RAB11FIP1: variants seen among roughly 807,000 people sequenced by gnomAD.
The protein encoded by RAB11FIP1 is RAB11 family interacting protein 1, also known as rab11 family-interacting protein 1.
Under a neutral mutation model 83.1 loss-of-function variants are expected in RAB11FIP1, and 49 were observed. That is an observed-to-expected ratio of 0.59 (90% CI 0.47 to 0.75). The LOEUF is 0.75. Ranked by LOEUF, RAB11FIP1 falls within the 30% of genes least tolerant of loss-of-function variation. The pLI, the probability that RAB11FIP1 is intolerant of heterozygous loss-of-function variation, is 0.00. For missense variants in RAB11FIP1, 1,536 were observed against 1,598.7 expected, an observed-to-expected ratio of 0.96 and a Z score of 0.67; for synonymous variants, 670 against 656.0, an observed-to-expected ratio of 1.02 and a Z score of -0.33.
rs777751490 is a variant in RAB11FIP1, at chr8:37,877,470, G to A, written c.453C>T (p.Asn151=). The A allele has an allele frequency of 1.9e-6, 3 of 1,613,452 alleles. No individual in the cohort carries two copies. Among genetic ancestry groups the A allele is most frequent in the Non-Finnish European group, 8.5e-7 (1 of 1,179,624 alleles). The change falls in exon 2 of 6, where the codon AAC becomes AAT. Residue 151 remains asparagine, a synonymous_variant. Transcript: ENST00000330843. ...GGTCAAACATGCTGGCAGTCATGTT[G>A]TTTCTCATAAACTGGATGTCAACCT... ...EIEVDIQFMR[N]NMTASMFDLS...
intron 1 of RAB11FIP1, among the ~76,000 whole-genome samples, chr8:37,882,274 C>T (rs1003137460): frequency 7.2e-5 from 11 of 152,266 alleles, no homozygotes; most frequent in African/African-American, 2.2e-4. Flanking sequence ...GGACTTGCTG[C>T]GCTGCATTCC....
intron 1 of RAB11FIP1, among the ~76,000 whole-genome samples, chr8:37,890,254 T>C (rs1015325345): frequency 6.6e-6 from 1 of 152,204 alleles, no homozygotes; most frequent in African/African-American, 2.4e-5. Context: ...TCTTTTATAA[T>C]AACCAGAGGC....
chr8:37,864,184 G>A (rs1806298609), intron 5 of RAB11FIP1, among the ~76,000 whole-genome samples: 1 of 152,248 alleles, frequency 6.6e-6, no homozygotes, highest in South Asian at 2.1e-4. Context: ...CTGTCCCAGA[G>A]CTGAGTGTTC....
chr8:37,872,927 A>G lies in RAB11FIP1; in HGVS notation c.1875T>C (p.Ser625=), dbSNP rs1806511707. Residue 625 remains serine, a synonymous_variant, in exon 4 of 6, where the codon TCT becomes TCC. Coordinates refer to ENST00000330843, the MANE Select transcript of RAB11FIP1 (RefSeq NM_001002814.3). ...CCTTAGGGAGCAAGGGTGGTCCTTC[A>G]GACTTGGCCTGGCCCCTGTCTACGA... The part of the protein sequence containing the change: ...WPLVDRGQAK[S]EGPPLLPKAE... 1 of 1,614,246 alleles carries G rather than the reference A, an allele frequency of 6.2e-7. No individual in the cohort carries two copies. Among genetic ancestry groups the G allele is most frequent in the African/African-American group, 1.3e-5 (1 of 75,062 alleles).
intron 1 of RAB11FIP1, among the ~76,000 whole-genome samples, chr8:37,894,926 T>A (rs1427818585): frequency 6.7e-6 from 1 of 149,486 alleles, no homozygotes; most frequent in African/African-American, 2.5e-5. Context: ...TCCAGCTAAT[T>A]TTTTGTGTTT....
At position 37,872,682 on chromosome 8, in the gene RAB11FIP1, G is replaced by A. The variant is rs142630214; in HGVS notation, c.2120C>T (p.Pro707Leu). The A allele has an allele frequency of 1.0e-4, 166 of 1,614,184 alleles. No homozygotes were observed. The African/African-American group carries it at 1.7e-3, about 17-fold the overall frequency. The change falls in exon 4 of 6, where the codon CCG becomes CTG. Residue 707 changes from proline to leucine, a missense_variant. Pro to Leu is a moderately conservative substitution (Grantham distance 98). Coordinates refer to ENST00000330843, the MANE Select transcript of RAB11FIP1 (RefSeq NM_001002814.3). ...GTCTTGTTTTTTGCAGGGGAATCTCGGAAGTTCTTCCTCTTGTCGCCCTGT... is the reference window on the plus strand; with the variant it reads ...GTCTTGTTTTTTGCAGGGGAATCTCAGAAGTTCTTCCTCTTGTCGCCCTGT... The part of the protein sequence containing the change: ...PETGRQEEEL[P>L]RFPCKKQDYS...
chr8:37,897,766 C>T (rs1484600461), intron 1 of RAB11FIP1, among the ~76,000 whole-genome samples: 1 of 152,090 alleles, frequency 6.6e-6, no homozygotes, highest in East Asian at 1.9e-4. Context: ...GAAATCTTTA[C>T]TAACATGGGG....
intron 1 of RAB11FIP1, among the ~76,000 whole-genome samples, chr8:37,878,340 C>T (rs1479342956): frequency 6.6e-6 from 1 of 151,274 alleles, no homozygotes; most frequent in Admixed American, 6.6e-5. Context: ...CGAGACCAGC[C>T]TGGCCAATAT....
Position 37,861,428 on chromosome 8 carries a change from T to C in RAB11FIP1, c.*1467A>G. On this transcript the variant is annotated 3_prime_UTR_variant, in exon 6 of 6. Coordinates refer to ENST00000330843, the MANE Select transcript of RAB11FIP1 (RefSeq NM_001002814.3). ...ATTTCCCCAGTATCCCACAAATAAT[T>C]TGGGTTTCCTTTTGGGCAGGGAGAG... The C allele has an allele frequency of 5.6e-6, 2 of 356,280 alleles. No homozygotes were observed. The highest frequency in any genetic ancestry group is 4.1e-5 in the South Asian group (2 of 48,478). 22.1% of individuals were successfully genotyped at this position (356,280 alleles called of 1,614,324 possible).
chr8:37,877,237 G>A lies in RAB11FIP1; in HGVS notation c.686C>T (p.Thr229Met), dbSNP rs61746628. 17,010 of 1,614,066 alleles carry A rather than the reference G, an allele frequency of 0.011. 116 individuals carry two copies. Among genetic ancestry groups the A allele is most frequent in the Middle Eastern group, 0.014 (84 of 6,062 alleles). Residue 229 changes from threonine (T) to methionine (M), a missense_variant, in exon 2 of 6, where the codon ACG (threonine) becomes ATG (methionine). Transcript: ENST00000330843. ...GACAGACATGGACTGGGAAAGAGGC[G>A]TCTTCTGCAAATTTGACTTGGAAAG... is the stretch of plus-strand genomic sequence containing the variant. ...TLLSKSNLQKTPLSQSMSVLP... is the reference protein window; with the variant it reads ...TLLSKSNLQKMPLSQSMSVLP...
intron 1 of RAB11FIP1, among the ~76,000 whole-genome samples, chr8:37,888,129 C>T (rs572563094): frequency 5.9e-5 from 9 of 152,244 alleles, no homozygotes; most frequent in African/African-American, 1.7e-4. Context: ...TTTTTTGAGA[C>T]GGAGTCTCAT....
chr8:37,867,937 C>T (rs558627518), intron 5 of RAB11FIP1, among the ~76,000 whole-genome samples: 2 of 152,250 alleles, frequency 1.3e-5, no homozygotes, highest in South Asian at 4.1e-4. Flanking sequence ...GAGGGAATAA[C>T]AAGTACCCAG....
rs1196036952 is a variant in RAB11FIP1 at position 37,861,121 on chromosome 8, G to A, written c.*1774C>T. 1 of 153,328 alleles carries A rather than the reference G, an allele frequency of 6.5e-6. No homozygotes were observed. Among genetic ancestry groups the A allele is most frequent in the Non-Finnish European group, 1.4e-5 (1 of 69,142 alleles). 9.5% of individuals were successfully genotyped at this position (153,328 alleles called of 1,614,324 possible). A position where few individuals can be genotyped will look rare whatever the true frequency, so the allele number is the denominator to read the frequency against. ...ACATTCTAATTCCAGTCTTAAGTGAGTAACAACAAAATTACCTGAAAAATC... is the reference window on the plus strand; with the variant it reads ...ACATTCTAATTCCAGTCTTAAGTGAATAACAACAAAATTACCTGAAAAATC... On this transcript the variant is annotated 3_prime_UTR_variant, in exon 6 of 6. Coordinates refer to ENST00000330843, the MANE Select transcript of RAB11FIP1 (RefSeq NM_001002814.3).
intron 1 of RAB11FIP1, among the ~76,000 whole-genome samples, chr8:37,898,651 C>CA (rs746280491): frequency 0.028 from 2,588 of 91,396 alleles, 73 homozygotes; most frequent in African/African-American, 0.07. Flanking sequence ...GACTCAGTCT[C>CA]AAAAAAAAAA....
Position 37,862,774 on chromosome 8 carries a change from C to G in RAB11FIP1, c.*121G>C. 1.4e-6 allele frequency: 1 copy of G among 713,692 alleles called. No homozygotes were observed. The highest frequency in any genetic ancestry group is 2.5e-5 in the East Asian group (1 of 40,074). The allele number at this position is 713,692 out of a possible 1,614,324, so 44.2% of individuals were successfully genotyped here. On this transcript the variant is annotated 3_prime_UTR_variant, in exon 6 of 6. Transcript: ENST00000330843. The stretch of plus-strand genomic sequence containing the variant: ...GGTAGAATTCACTCTTGCCGGATAA[C>G]ATGTGAGGGAGATGGTGATTCGGAG...
intron 1 of RAB11FIP1, among the ~76,000 whole-genome samples, chr8:37,895,215 GCCAA>G (rs1262030758): frequency 4.1e-5 from 2 of 49,106 alleles, no homozygotes; most frequent in African/African-American, 7.9e-5. Context: ...ACAGGTGCCT[GCCAA>G]TATATATATA....
rs1440704679 is a variant in RAB11FIP1 at position 37,877,220 on chromosome 8, T to C, written c.703A>G (p.Met235Val). ...GGCTTTGAAGTCGGCAGGACAGACA[T>C]GGACTGGGAAAGAGGCGTCTTCTGC... ...NLQKTPLSQS[M>V]SVLPTSKPEK... is the part of the protein sequence containing the mutation. The change falls in exon 2 of 6, where the codon ATG becomes GTG. Residue 235 changes from methionine to valine, a missense_variant. Transcript: ENST00000330843. The C allele has an allele frequency of 3.1e-6, 5 of 1,614,110 alleles. No homozygotes were observed. Among genetic ancestry groups the C allele is most frequent in the South Asian group, 1.1e-5 (1 of 91,078 alleles).
At chr8:37,866,056 C>T (rs1381866473) in intron 5 of RAB11FIP1, among the ~76,000 whole-genome samples, 1 of 152,072 alleles carries the variant, frequency 6.6e-6, no homozygotes, top group African/African-American at 2.4e-5. Flanking sequence ...TAAAACAGGG[C>T]CAGGCATGGT....
In RAB11FIP1 at chr8:37,899,287, T is replaced by A. The variant is rs1373763028; in HGVS notation, c.155A>T (p.Tyr52Phe). 4 of 1,609,384 alleles carry A rather than the reference T, an allele frequency of 2.5e-6. No individual in the cohort carries two copies. The highest frequency in any genetic ancestry group is 3.4e-6 in the Non-Finnish European group (4 of 1,178,914). ...GCTGCGCTCCGACACGGAGGTGGCGTACTTCTCCTTGCCCACCTGGATCAC... is the reference window on the plus strand; with the variant it reads ...GCTGCGCTCCGACACGGAGGTGGCGAACTTCTCCTTGCCCACCTGGATCAC... ...YAVIQVGKEK[Y>F]ATSVSERSLG... Residue 52 changes from tyrosine (Y) to phenylalanine (F), a missense_variant, in exon 1 of 6, where the codon TAC becomes TTC. Coordinates refer to ENST00000330843, the MANE Select transcript of RAB11FIP1 (RefSeq NM_001002814.3). This position sits in a 1 kb window ranked among gnomAD's most constrained non-coding sequence, Gnocchi z 4.5.
Sources: gnomAD v4.1 joint callset for allele counts (sites outside exome capture counted in the v4.1 genomes callset) on GRCh38, gnomAD v4.1.1 for gene constraint, Gnocchi (gnomAD v3.1) non-coding constraint, MANE v1.5 for transcripts, NCBI Gene and HGNC (gene_info 2026-07-23, HGNC 2026-07-21) for gene names.